The following CDH23 variants were observed in gnomAD, a reference collection of about 807,000 sequenced individuals.
The protein encoded by CDH23 is cadherin-23.
CDH23 carries 189 observed loss-of-function variants against 317.1 expected under a neutral mutation model. That is an observed-to-expected ratio of 0.60 (90% confidence interval 0.53 to 0.67). CDH23 has a LOEUF of 0.67. Among genes scored for constraint, CDH23 ranks in the 30% least tolerant of loss-of-function variants. The probability of loss-of-function intolerance (pLI) is 0.00; values close to 1 mark genes in which losing one functional copy is unlikely to be tolerated. For missense variants in CDH23, 4,401 were observed against 4,592.4 expected (o/e 0.96, Z 1.20); for synonymous variants, 1,839 against 1,876.8 (o/e 0.98, Z 0.52).
Position 71,706,936 on chromosome 10 carries a change from C to A in CDH23, c.2993C>A (p.Ala998Asp). 6.2e-7 allele frequency: 1 copy of A among 1,606,434 alleles called. No individual in the cohort carries two copies. The highest frequency in any genetic ancestry group is 1.7e-4 in the Middle Eastern group (1 of 6,054). ...VNDETPTFFP[A>D]VYNVSVSEDV... ...GACGAGACGCCCACCTTCTTCCCGG[C>A]CGTGTACAATGTGTCTGTGTCCGAG... Residue 998 changes from alanine (A) to aspartate (D), a missense_variant, in exon 26 of 70, where the codon GCC becomes GAC. Ala to Asp is a moderately radical substitution (Grantham distance 126). This residue lies in a region of CDH23 where 3,068 missense variants were observed against 3,203.3 expected (regional missense o/e 0.96). Transcript: ENST00000224721.
At chr10:71,646,307 C>T (rs560399900) in intron 13 of CDH23, among the ~76,000 whole-genome samples, 152 bp from the exon 14 acceptor site, 36 of 152,306 alleles carry the variant, frequency 2.4e-4, no homozygotes, top group Admixed American at 2.1e-3. Context: ...CAATAACAGA[C>T]GGGCTCGCAG....
chr10:71,468,750 C>A (rs539857439), intron 3 of CDH23, among the ~76,000 whole-genome samples: 33 of 152,236 alleles, frequency 2.2e-4, no homozygotes, highest in Non-Finnish European at 4.0e-4. Context: ...TTAACTCGAA[C>A]ACTTGTTCCT....
intron 9 of CDH23, among the ~76,000 whole-genome samples, chr10:71,596,866 G>A (rs572765994): frequency 5.9e-5 from 9 of 152,158 alleles, no homozygotes; most frequent in Non-Finnish European, 8.8e-5. Context: ...TGCCCAGCCC[G>A]CCCCAGGGCC....
chr10:71,682,604 C>T (rs1306063082), intron 18 of CDH23, 32 bp downstream of exon 18: 9 of 1,608,512 alleles, frequency 5.6e-6, no homozygotes, highest in Non-Finnish European at 6.8e-6. Context: ...CCTTGCCCTG[C>T]TAGTGTAAGG....
At chr10:71,403,457 CCTT>C (rs1564558575) in intron 1 of CDH23, among the ~76,000 whole-genome samples, 5 of 21,606 alleles carry the variant, frequency 2.3e-4, no homozygotes, top group East Asian at 8.9e-4. Flanking sequence ...TCCTTCCTTT[CCTT>C]CCTTCCTTCC....
At chr10:71,707,560 T>C (rs1865838275) in intron 26 of CDH23, 2 of 1,006,084 alleles carry the variant, frequency 2.0e-6, no homozygotes, top group Admixed American at 1.0e-4. Flanking sequence ...GATGAGGCCA[T>C]GTCCTGGCTC....
At chr10:71,562,876 G>A (rs1049340208) in intron 6 of CDH23, among the ~76,000 whole-genome samples, 1 of 152,120 alleles carries the variant, frequency 6.6e-6, no homozygotes, top group South Asian at 2.1e-4. Context: ...GTGGCTCTCG[G>A]CCTGTCATGG....
At position 71,739,670 on chromosome 10, in the gene CDH23, C is replaced by G; in HGVS notation, c.4386C>G (p.Asn1462Lys). 6.2e-7 allele frequency: 1 copy of G among 1,613,236 alleles called. No homozygotes were observed. The highest frequency in any genetic ancestry group is 8.5e-7 in the Non-Finnish European group (1 of 1,179,578). Reference protein sequence around the residue: ...GQVVFSLASGNIAGAFEIVTT... With the variant: ...GQVVFSLASGKIAGAFEIVTT... ...TGGTCTTCTCCCTGGCCTCTGGCAA[C>G]ATCGCGGGGGCCTTTGAGATCGTCA... Residue 1462 changes from asparagine to lysine, a missense_variant, in exon 36 of 70, where the codon AAC (asparagine) becomes AAG (lysine). Coordinates refer to ENST00000224721, the MANE Select transcript of CDH23 (RefSeq NM_022124.6).
At chr10:71,504,559 C>T (rs903548327) in intron 3 of CDH23, among the ~76,000 whole-genome samples, 2 of 151,924 alleles carry the variant, frequency 1.3e-5, no homozygotes, top group Non-Finnish European at 2.9e-5. Flanking sequence ...TTCTGCTTTC[C>T]ACCCATGAGG....
intron 28 of CDH23, chr10:71,714,977 G>A (rs371158202): frequency 2.0e-5 from 3 of 152,294 alleles, no homozygotes; most frequent in African/African-American, 7.2e-5. Context: ...CTGCTTTGAC[G>A]GGTCATCAGC....
At chr10:71,646,030 A>C in intron 13 of CDH23, 50 bp downstream of exon 13, 1 of 1,584,654 alleles carries the variant, frequency 6.3e-7, no homozygotes, top group Non-Finnish European at 8.6e-7. Flanking sequence ...GGTGGATTTC[A>C]GGGGAGGCGA....
intron 3 of CDH23, among the ~76,000 whole-genome samples, chr10:71,462,216 G>T (rs1342282441): frequency 6.6e-6 from 1 of 152,246 alleles, no homozygotes; most frequent in African/African-American, 2.4e-5. Context: ...AGTGCAGTTC[G>T]CCCCTGCCCG....
At chr10:71,539,056 T>G (rs1214201746) in intron 6 of CDH23, among the ~76,000 whole-genome samples, 1 of 152,180 alleles carries the variant, frequency 6.6e-6, no homozygotes, top group Non-Finnish European at 1.5e-5. Context: ...CCTTGGTCCT[T>G]CCAGTCCAGA....
At chr10:71,716,747 A>G (rs111802815) in intron 28 of CDH23, 4,643 of 175,200 alleles carry the variant, frequency 0.027, 127 homozygotes, top group East Asian at 0.08. Flanking sequence ...CGCAGCTGCC[A>G]GGGTCCCTAG....
chr10:71,567,703 TGG>T (rs1382010718), intron 7 of CDH23, among the ~76,000 whole-genome samples: 2 of 152,334 alleles, frequency 1.3e-5, no homozygotes, highest in African/African-American at 4.8e-5. Context: ...TGGGAGATCC[TGG>T]GGAACAGGCA....
intron 6 of CDH23, among the ~76,000 whole-genome samples, chr10:71,555,248 A>C (rs1856816604): frequency 6.6e-6 from 1 of 152,186 alleles, no homozygotes; most frequent in Non-Finnish European, 1.5e-5. Flanking sequence ...TACCTGGTAC[A>C]TGCTGCCTGG....
intron 38 of CDH23, among the ~76,000 whole-genome samples, chr10:71,761,184 A>G (rs1440868643): frequency 6.6e-6 from 1 of 151,972 alleles, no homozygotes; most frequent in East Asian, 1.9e-4. Context: ...GGGCCCTTGC[A>G]CTCTCACCTG....
rs1840431519 is a variant in CDH23, at chr10:71,762,890, C to A, written c.4846-14790C>A. Among the ~76,000 whole-genome samples the A allele has an allele frequency of 2.0e-5, 3 of 152,344 alleles. No homozygotes were observed. In the South Asian group the frequency reaches 6.2e-4, roughly 32 times the overall value. On this transcript the variant is annotated intron_variant, in intron 38 of 69. Coordinates refer to ENST00000224721, the MANE Select transcript of CDH23 (RefSeq NM_022124.6). ...GGTTTTTTTCACCAAGCAAATGAAG[C>A]AATTCCCTGGTCCACTTTGCCTTAT...
At chr10:71,713,701 A>C in intron 28 of CDH23, 1 of 196,678 alleles carries the variant, frequency 5.1e-6, no homozygotes, top group Non-Finnish European at 1.1e-5. Flanking sequence ...CTTGGAGCAT[A>C]CCCCCCTGGC....
Sources: allele counts gnomAD v4.1 joint callset (sites outside exome capture counted in the v4.1 genomes callset), GRCh38; gene constraint gnomAD v4.1.1; regional missense constraint gnomAD v4.1.1; transcripts MANE v1.5; gene names NCBI Gene and HGNC (gene_info 2026-07-23, HGNC 2026-07-21).